The following PRKAG2 variants were observed in gnomAD, a reference collection of about 807,000 sequenced individuals.
PRKAG2 encodes 5'-AMP-activated protein kinase subunit gamma-2.
Under a neutral mutation model 69.6 loss-of-function variants are expected in PRKAG2, and 26 were observed. The ratio of observed to expected loss-of-function variants is 0.37; its 90% CI spans 0.27 to 0.52. The LOEUF (loss-of-function observed/expected upper bound fraction) is 0.52. PRKAG2 is among the 20% of genes least tolerant of loss of function. The pLI, the probability that PRKAG2 is intolerant of heterozygous loss-of-function variation, is 0.90. For missense variants in PRKAG2, 557 were observed against 740.0 expected (o/e 0.75, Z 2.87); for synonymous variants, 293 against 285.0 (o/e 1.03, Z -0.28).
chr7:151,598,700 T>G (rs577143786), intron 5 of PRKAG2, among the ~76,000 whole-genome samples: 16 of 152,296 alleles, frequency 1.1e-4, no homozygotes, highest in African/African-American at 3.6e-4. Flanking sequence ...TAAAAAAATT[T>G]TAAAGGTACT....
At position 151,588,198 on chromosome 7, in the gene PRKAG2, C is replaced by T. The variant is rs1812154063; in HGVS notation, c.864+7147G>A. On this transcript the variant is annotated intron_variant, in intron 6 of 15. Transcript: ENST00000287878. ...TTCTCGAGGTGTCATCTTTTGGAAT[C>T]ACTAACTGATGTGGTTTGGCTGTGT... 1.3e-5 allele frequency among the ~76,000 whole-genome samples: 2 copies of T among 152,166 alleles called. 1 individual carries two copies. Among genetic ancestry groups the T allele is most frequent in the South Asian group, 4.2e-4 (2 of 4,818 alleles).
chr7:151,824,373 T>C (rs2078859548), intron 1 of PRKAG2, among the ~76,000 whole-genome samples: 1 of 152,236 alleles, frequency 6.6e-6, no homozygotes, highest in Non-Finnish European at 1.5e-5. Context: ...GATTGGATTA[T>C]GCTGCTTGTG....
chr7:151,734,065 G>T (rs147798464), intron 3 of PRKAG2, among the ~76,000 whole-genome samples: 26 of 151,934 alleles, frequency 1.7e-4, no homozygotes, highest in African/African-American at 6.3e-4. Flanking sequence ...ATTAGACGCC[G>T]CTCTCTAGTT....
rs1339375920 is a variant in PRKAG2 at position 151,771,925 on chromosome 7, T to C, written c.466+9227A>G. ...GCATCAGCCCACATTTTAGAAAGCA[T>C]TGAAAAACAAGTTAAGTTGTTGGTG... On this transcript the variant is annotated intron_variant, in intron 3 of 15. Coordinates refer to ENST00000287878, the MANE Select transcript of PRKAG2 (RefSeq NM_016203.4). The surrounding 1 kb of genome is among the most constrained non-coding windows in gnomAD (Gnocchi z 4.0). Among the ~76,000 whole-genome samples, 2 of 152,308 alleles carry C rather than the reference T, an allele frequency of 1.3e-5. No individual in the cohort carries two copies. The highest frequency in any genetic ancestry group is 2.1e-4 in the South Asian group (1 of 4,830).
Position 151,807,079 on chromosome 7 carries a change from G to A in PRKAG2, c.115-20538C>T, listed in dbSNP as rs1443999869. On this transcript the variant is annotated intron_variant, in intron 1 of 15. Transcript: ENST00000287878. This position sits in a 1 kb window ranked among gnomAD's most constrained non-coding sequence, Gnocchi z 4.4. Reference sequence around the variant, plus strand: ...CCTCAAGTCTGAAGGTGGAGGTGGGGAAGGGCAGAGGCTGTAAAGGGTCAG... The same window carrying A: ...CCTCAAGTCTGAAGGTGGAGGTGGGAAAGGGCAGAGGCTGTAAAGGGTCAG... 2.1e-5 allele frequency: 9 copies of A among 424,718 alleles called. No individual in the cohort carries two copies. Among genetic ancestry groups the A allele is most frequent in the Non-Finnish European group, 3.3e-5 (7 of 214,258 alleles). The allele number at this position is 424,718 out of a possible 1,614,324, so 26.3% of individuals were successfully genotyped here.
chr7:151,702,424 T>C (rs567641842), intron 3 of PRKAG2, among the ~76,000 whole-genome samples: 1 of 152,206 alleles, frequency 6.6e-6, no homozygotes, highest in African/African-American at 2.4e-5. Context: ...AGCAGACGGA[T>C]GGGGATGCAG....
chr7:151,684,851 T>C (rs1834476282), intron 3 of PRKAG2, among the ~76,000 whole-genome samples: 1 of 152,178 alleles, frequency 6.6e-6, no homozygotes. Context: ...CAATGCACTC[T>C]GGAAGCTGTT....
chr7:151,614,549 G>A lies in PRKAG2; in HGVS notation c.754+17520C>T, dbSNP rs1156317044. 6.6e-6 allele frequency among the ~76,000 whole-genome samples: 1 copy of A among 152,030 alleles called. No individual in the cohort carries two copies. The highest frequency in any genetic ancestry group is 1.5e-5 in the Non-Finnish European group (1 of 67,980). On this transcript the variant is annotated intron_variant, in intron 5 of 15. Transcript: ENST00000287878. The surrounding 1 kb of genome is among the most constrained non-coding windows in gnomAD (Gnocchi z 4.4). ...TCGTGACTCTCCGTCCCATCCCTGC[G>A]TGCTCTCCTTCACCTCCGCCCCTCA... is the stretch of plus-strand genomic sequence containing the variant.
intron 15 of PRKAG2, chr7:151,558,061 C>T (rs1343082683): frequency 1.2e-5 from 12 of 985,222 alleles, no homozygotes; most frequent in Non-Finnish European, 1.4e-5. Flanking sequence ...AAGAGATCGG[C>T]AATCTATTAG....
intron 3 of PRKAG2, among the ~76,000 whole-genome samples, chr7:151,740,691 T>C (rs2073819688): frequency 6.6e-6 from 1 of 152,190 alleles, no homozygotes; most frequent in African/African-American, 2.4e-5. Context: ...GCCGTGAGTA[T>C]GTGAGCCGTG....
At chr7:151,832,327 T>G (rs1393425117) in intron 1 of PRKAG2, among the ~76,000 whole-genome samples, 1 of 151,394 alleles carries the variant, frequency 6.6e-6, no homozygotes, top group Non-Finnish European at 1.5e-5. Flanking sequence ...CCACAGAGTT[T>G]GTGGACACCA....
intron 4 of PRKAG2, among the ~76,000 whole-genome samples, chr7:151,672,700 G>A (rs2727535): frequency 0.67 from 101,787 of 151,862 alleles, 34,186 homozygotes; most frequent in Admixed American, 0.7. Context: ...CACTCCCTGC[G>A]TCGGAACTTC....
At chr7:151,593,865 T>C (rs1228503917) in intron 6 of PRKAG2, among the ~76,000 whole-genome samples, 2 of 152,212 alleles carry the variant, frequency 1.3e-5, no homozygotes, top group African/African-American at 4.8e-5. Flanking sequence ...TTCCATACGT[T>C]AACAAGAAAC....
At chr7:151,655,702 T>G (rs923437115) in intron 4 of PRKAG2, among the ~76,000 whole-genome samples, 3 of 152,218 alleles carry the variant, frequency 2.0e-5, no homozygotes, top group Admixed American at 1.3e-4. Flanking sequence ...CAGGGCCCTG[T>G]GTGCTGTGAA....
chr7:151,632,048 C>A lies in PRKAG2; in HGVS notation c.754+21G>T, dbSNP rs1231471367. On this transcript the variant is annotated intron_variant, in intron 5 of 15. Coordinates refer to ENST00000287878, the MANE Select transcript of PRKAG2 (RefSeq NM_016203.4). This position sits in a 1 kb window ranked among gnomAD's most constrained non-coding sequence, Gnocchi z 4.2. Reference sequence around the variant, plus strand: ...CCGGGCCGTGGGAGCGCCGGGCCGGCAGCGGGCGGGGCGCACTCACCTTCG... The same window carrying A: ...CCGGGCCGTGGGAGCGCCGGGCCGGAAGCGGGCGGGGCGCACTCACCTTCG... The A allele has an allele frequency of 8.1e-6, 11 of 1,353,142 alleles. No individual in the cohort carries two copies. Among genetic ancestry groups the A allele is most frequent in the Non-Finnish European group, 1.1e-5 (11 of 1,039,630 alleles). 83.8% of individuals were successfully genotyped at this position (1,353,142 alleles called of 1,614,324 possible). A position where few individuals can be genotyped will look rare whatever the true frequency, so the allele number is the denominator to read the frequency against.
At chr7:151,611,808 C>G (rs1216500814) in intron 5 of PRKAG2, among the ~76,000 whole-genome samples, 5 of 152,158 alleles carry the variant, frequency 3.3e-5, no homozygotes, top group Non-Finnish European at 4.4e-5. Context: ...AATCCCAGCA[C>G]TTTGGGAGGA....
intron 1 of PRKAG2, among the ~76,000 whole-genome samples, chr7:151,819,557 T>G (rs1025957978): frequency 1.3e-5 from 2 of 152,176 alleles, no homozygotes; most frequent in Admixed American, 6.5e-5. Flanking sequence ...TCCATCCAGG[T>G]AGAACTAATA....
intron 1 of PRKAG2, among the ~76,000 whole-genome samples, chr7:151,858,233 C>G (rs933406806): frequency 4.6e-5 from 7 of 152,094 alleles, no homozygotes; most frequent in Non-Finnish European, 1.0e-4. Context: ...CGTGCCTACC[C>G]CTCCCCTCCC....
rs77902041 is a variant in PRKAG2 at position 151,876,495 on chromosome 7, G to A, written c.114+12C>T. The A allele has an allele frequency of 0.067, 106,994 of 1,601,166 alleles. 3,952 individuals carry two copies. Among genetic ancestry groups the A allele is most frequent in the Non-Finnish European group, 0.078 (91,590 of 1,176,838 alleles). On this transcript the variant is annotated intron_variant, in intron 1 of 15. Transcript: ENST00000287878. ...AGGGCTGGGGAGCAGGGGACCGAGT[G>A]CTGGGACTCACCGGAATGTGCACGC... is the stretch of plus-strand genomic sequence containing the variant.
Sources: allele counts gnomAD v4.1 joint callset (sites outside exome capture counted in the v4.1 genomes callset), GRCh38; gene constraint gnomAD v4.1.1; non-coding constraint Gnocchi (gnomAD v3.1); transcripts MANE v1.5; gene names NCBI Gene and HGNC (gene_info 2026-07-23, HGNC 2026-07-21).